Variants in STK32B observed in about 807,000 individuals in gnomAD.
STK32B encodes serine/threonine-protein kinase 32B.
STK32B carries 43 observed loss-of-function variants against 52.6 expected under a neutral mutation model. The ratio of observed to expected loss-of-function variants is 0.82; its 90% CI spans 0.64 to 1.05. The LOEUF is 1.05. Among genes scored for constraint, STK32B ranks in the 50% least tolerant of loss-of-function variants. The pLI, the probability that STK32B is intolerant of heterozygous loss-of-function variation, is 0.00. For missense variants in STK32B, 621 were observed against 534.6 expected (o/e 1.16, Z -1.59); for synonymous variants, 238 against 204.3 (o/e 1.17, Z -1.41).
intron 3 of STK32B, among the ~76,000 whole-genome samples, chr4:5,282,670 A>T (rs1728286272): frequency 6.6e-6 from 1 of 152,134 alleles, no homozygotes; most frequent in South Asian, 2.1e-4. Flanking sequence ...AATGAGACAG[A>T]AGAAGGATCA....
intron 1 of STK32B, among the ~76,000 whole-genome samples, chr4:5,075,586 G>T (rs1712028699): frequency 6.6e-6 from 1 of 151,840 alleles, no homozygotes; most frequent in Non-Finnish European, 1.5e-5. Context: ...TTTATCTTTG[G>T]ATAAATTGAA....
intron 3 of STK32B, among the ~76,000 whole-genome samples, chr4:5,249,475 CT>C (rs1725744836): frequency 2.8e-5 from 4 of 142,078 alleles, no homozygotes; most frequent in South Asian, 2.2e-4. Context: ...TCCTTCCTTC[CT>C]TCCTTCCTTC....
chr4:5,209,618 T>C (rs1254212209), intron 3 of STK32B, among the ~76,000 whole-genome samples: 2 of 152,146 alleles, frequency 1.3e-5, no homozygotes, highest in East Asian at 1.9e-4. Context: ...CTCCATGAAA[T>C]TGCTTTATCC....
chr4:5,335,265 A>G (rs1255740881), intron 4 of STK32B, among the ~76,000 whole-genome samples: 3 of 152,180 alleles, frequency 2.0e-5, no homozygotes, highest in Admixed American at 2.0e-4. Flanking sequence ...TTATTTGCGT[A>G]GAGGTGTTTG....
intron 4 of STK32B, among the ~76,000 whole-genome samples, chr4:5,393,145 G>A (rs553086822): frequency 6.6e-6 from 1 of 152,270 alleles, no homozygotes; most frequent in Non-Finnish European, 1.5e-5. Context: ...CAACAGCCAA[G>A]GTGAAGCCCT....
chr4:5,498,899 A>C, intron 11 of STK32B, 46 bp from the exon 12 acceptor site: 2 of 1,560,984 alleles, frequency 1.3e-6, no homozygotes, highest in Non-Finnish European at 1.7e-6. Context: ...ATGTGCCTCC[A>C]CAACCCCATG....
the STK32B span, among the ~76,000 whole-genome samples, chr4:5,039,601 G>A: frequency 6.6e-6 from 1 of 152,136 alleles, no homozygotes; most frequent in Non-Finnish European, 1.5e-5. Flanking sequence ...TTAAAATAAT[G>A]ATAAAAGTAT....
At chr4:5,062,120 A>G (rs1411551943) in intron 1 of STK32B, among the ~76,000 whole-genome samples, 1 of 152,208 alleles carries the variant, frequency 6.6e-6, no homozygotes, top group African/African-American at 2.4e-5. Context: ...CTTCTGTTTC[A>G]AAGGTAAGCT....
chr4:5,125,990 T>C (rs975966249), intron 1 of STK32B, among the ~76,000 whole-genome samples: 6 of 152,148 alleles, frequency 3.9e-5, no homozygotes. Flanking sequence ...CCAGTTGCCC[T>C]GGCACCATTT....
chr4:5,468,803 C>G (rs1352409045), intron 11 of STK32B, among the ~76,000 whole-genome samples: 1 of 152,110 alleles, frequency 6.6e-6, no homozygotes, highest in Non-Finnish European at 1.5e-5. Context: ...TGGCTCACAC[C>G]TGTAATTCTA....
At chr4:5,366,888 T>C (rs1320754972) in intron 4 of STK32B, among the ~76,000 whole-genome samples, 1 of 152,134 alleles carries the variant, frequency 6.6e-6, no homozygotes, top group Non-Finnish European at 1.5e-5. Context: ...CCTTCTCATA[T>C]AGTCCCCACC....
intron 3 of STK32B, among the ~76,000 whole-genome samples, chr4:5,213,762 C>T (rs951025903): frequency 3.9e-5 from 6 of 152,064 alleles, no homozygotes; most frequent in South Asian, 4.2e-4. Context: ...GTTGCCTTTT[C>T]CCTTATTGAT....
intron 9 of STK32B, 145 bp from the exon 10 acceptor site, chr4:5,466,558 A>G: frequency 8.8e-7 from 1 of 1,139,714 alleles, no homozygotes; most frequent in Non-Finnish European, 1.2e-6. Flanking sequence ...ATCATCAGAA[A>G]ACAGAAACAA....
chr4:5,245,912 C>T (rs928622328), intron 3 of STK32B, among the ~76,000 whole-genome samples: 4 of 152,226 alleles, frequency 2.6e-5, no homozygotes, highest in Non-Finnish European at 5.9e-5. Flanking sequence ...CCACTCTCTT[C>T]TGGCTTGTAG....
rs529833546 is a variant in STK32B, at chr4:5,323,422, C to T, written c.261-7798C>T. Among the ~76,000 whole-genome samples the T allele has an allele frequency of 2.0e-5, 3 of 152,244 alleles. No individual in the cohort carries two copies. The South Asian group carries it at 6.2e-4, about 32-fold the overall frequency. Reference sequence around the variant, plus strand: ...GCTGAGCACGGCTGCTTCTTCTGGACTCCCTCATCAGGTCTATCACTTCTG... The same window carrying T: ...GCTGAGCACGGCTGCTTCTTCTGGATTCCCTCATCAGGTCTATCACTTCTG... On this transcript the variant is annotated intron_variant, in intron 3 of 11. Coordinates refer to ENST00000282908, the MANE Select transcript of STK32B (RefSeq NM_018401.3).
At chr4:5,050,580 C>T (rs1245269056), upstream of STK32B, among the ~76,000 whole-genome samples, 3 of 152,148 alleles carry the variant, frequency 2.0e-5, no homozygotes, top group African/African-American at 7.2e-5. Flanking sequence ...CCCCTGCTTT[C>T]TATCAAAGCA....
chr4:5,312,497 C>A (rs28588317), intron 3 of STK32B, among the ~76,000 whole-genome samples: 1 of 150,112 alleles, frequency 6.7e-6, no homozygotes, highest in African/African-American at 2.4e-5. Context: ...TCCATGTGTT[C>A]TCATTGTTCA....
chr4:5,183,283 G>C (rs1356527126), intron 3 of STK32B, among the ~76,000 whole-genome samples: 1 of 152,072 alleles, frequency 6.6e-6, no homozygotes. Context: ...TTCAAGACCA[G>C]CCTGACCAGC....
intron 1 of STK32B, among the ~76,000 whole-genome samples, chr4:5,134,660 C>A (rs1158052100): frequency 6.6e-6 from 1 of 152,192 alleles, no homozygotes; most frequent in Admixed American, 6.6e-5. Context: ...CAATTTTAAT[C>A]ATTGGACTAG....
Sources: gnomAD v4.1 joint callset for allele counts (sites outside exome capture counted in the v4.1 genomes callset) on GRCh38, gnomAD v4.1.1 for gene constraint, MANE v1.5 for transcripts, NCBI Gene and HGNC (gene_info 2026-07-23, HGNC 2026-07-21) for gene names.